The following FSTL5 variants were observed in gnomAD, a reference collection of about 807,000 sequenced individuals.
FSTL5 encodes follistatin like 5.
Under a neutral mutation model 89.1 loss-of-function variants are expected in FSTL5, and 62 were observed. The observed-to-expected ratio is 0.70, with a 90% CI of 0.57 to 0.86. FSTL5 has a LOEUF of 0.86. FSTL5 is among the 40% of genes least tolerant of loss of function. The pLI, the probability that FSTL5 is intolerant of heterozygous loss-of-function variation, is 0.00. For synonymous variants in FSTL5, 383 were observed against 346.2 expected (o/e 1.11, Z -1.18); for missense variants, 1,057 against 1,001.6 (o/e 1.06, Z -0.75).
intron 4 of FSTL5, among the ~76,000 whole-genome samples, chr4:161,903,844 G>A (rs1297255685): frequency 6.6e-6 from 1 of 151,420 alleles, no homozygotes; most frequent in Admixed American, 6.6e-5. Flanking sequence ...GAATGTCCTT[G>A]GCCATCCTTA....
rs137878095 is a variant in FSTL5 at position 161,594,987 on chromosome 4, G to T, written c.895-7412C>A. Among the ~76,000 whole-genome samples the T allele has an allele frequency of 6.6e-3, 1,007 of 151,926 alleles. 15 individuals carry two copies. The highest frequency in any genetic ancestry group is 0.043 in the South Asian group (205 of 4,776). On this transcript the variant is annotated intron_variant, in intron 7 of 15. Transcript: ENST00000306100. Reference sequence around the variant, plus strand: ...TACTGATGTTGAGTAACTTGGTTGAGGTCACCAAACAAGGTGAGGGGTCTC... The same window carrying T: ...TACTGATGTTGAGTAACTTGGTTGATGTCACCAAACAAGGTGAGGGGTCTC...
At chr4:162,160,886 A>T (rs1403157347) in intron 1 of FSTL5, among the ~76,000 whole-genome samples, 1 of 151,788 alleles carries the variant, frequency 6.6e-6, no homozygotes, top group Non-Finnish European at 1.5e-5. Context: ...TTCCAAATTG[A>T]TTCACCCTTA....
At chr4:161,964,814 T>C (rs1735279111) in intron 3 of FSTL5, among the ~76,000 whole-genome samples, 1 of 152,076 alleles carries the variant, frequency 6.6e-6, no homozygotes, top group South Asian at 2.1e-4. Context: ...CATTACATTT[T>C]GGAATAAAAC....
At chr4:162,133,472 A>G (rs1371637563) in intron 1 of FSTL5, among the ~76,000 whole-genome samples, 1 of 152,056 alleles carries the variant, frequency 6.6e-6, no homozygotes, top group African/African-American at 2.4e-5. Context: ...TTAACTTTCA[A>G]TGCTTTCTTT....
At chr4:161,394,269 C>T (rs1730925478) in intron 15 of FSTL5, among the ~76,000 whole-genome samples, 1 of 151,950 alleles carries the variant, frequency 6.6e-6, no homozygotes, top group South Asian at 2.1e-4. Flanking sequence ...AGGTAAAATA[C>T]CCATTTTTTG....
At chr4:161,813,785 G>A (rs1730240015) in intron 4 of FSTL5, among the ~76,000 whole-genome samples, 1 of 151,936 alleles carries the variant, frequency 6.6e-6, no homozygotes, top group African/African-American at 2.4e-5. Flanking sequence ...TGATGAACTG[G>A]GAATTAAAGA....
chr4:161,602,253 A>AAGAGAGAGAGAGAG (rs58991875), intron 7 of FSTL5, among the ~76,000 whole-genome samples: 43 of 122,800 alleles, frequency 3.5e-4, no homozygotes, highest in African/African-American at 1.3e-3. Flanking sequence ...GAGGGAGAGA[A>AAGAGAGAGAGAGAG]AGAGAGAGAG....
chr4:161,507,704 T>C (rs1327472901), intron 11 of FSTL5, among the ~76,000 whole-genome samples: 1 of 151,960 alleles, frequency 6.6e-6, no homozygotes, highest in African/African-American at 2.4e-5. Flanking sequence ...CAAGTTTATA[T>C]ATTGATGAGA....
At chr4:161,879,526 C>A (rs141973207) in intron 4 of FSTL5, among the ~76,000 whole-genome samples, 1 of 152,150 alleles carries the variant, frequency 6.6e-6, no homozygotes, top group Non-Finnish European at 1.5e-5. Context: ...TGCAAATCTC[C>A]GCAAGAGCCT....
chr4:161,681,237 C>A (rs1402064380), intron 6 of FSTL5, among the ~76,000 whole-genome samples: 1 of 151,956 alleles, frequency 6.6e-6, no homozygotes, highest in Non-Finnish European at 1.5e-5. Context: ...TCTTAGATCA[C>A]CATTGGTTTT....
chr4:161,934,493 G>A (rs1278563852), intron 3 of FSTL5, among the ~76,000 whole-genome samples: 3 of 152,050 alleles, frequency 2.0e-5, no homozygotes, highest in South Asian at 2.1e-4. Context: ...TAACTCATAT[G>A]TAACTTTTTA....
At chr4:161,879,722 A>T (rs1054803915) in intron 4 of FSTL5, among the ~76,000 whole-genome samples, 8 of 152,168 alleles carry the variant, frequency 5.3e-5, no homozygotes, top group Non-Finnish European at 1.2e-4. Context: ...CCCTCACTTC[A>T]TTCAGTCTGC....
In FSTL5 at chr4:161,542,714, GA is replaced by G. The variant is rs774148428; in HGVS notation, c.1016-22del. ...AGGAACTAAAGGAAAAAATGAAAGA[GA>G]AAGTGAATTAGTGATTCATATTTTC... On this transcript the variant is annotated intron_variant, in intron 8 of 15. Coordinates refer to ENST00000306100, the MANE Select transcript of FSTL5 (RefSeq NM_020116.5). The G allele has an allele frequency of 5.0e-6, 7 of 1,395,838 alleles. No individual in the cohort carries two copies. The African/African-American group carries it at 8.9e-5, about 18-fold the overall frequency. 86.5% of individuals were successfully genotyped at this position (1,395,838 alleles called of 1,614,324 possible).
At chr4:161,749,165 C>T (rs1740308200) in intron 6 of FSTL5, among the ~76,000 whole-genome samples, 1 of 152,038 alleles carries the variant, frequency 6.6e-6, no homozygotes, top group Admixed American at 6.6e-5. Context: ...CCATCAACCC[C>T]ACTACTGGGT....
intron 2 of FSTL5, among the ~76,000 whole-genome samples, chr4:162,076,664 GA>G (rs1444314803): frequency 6.6e-6 from 1 of 151,756 alleles, no homozygotes; most frequent in African/African-American, 2.4e-5. Flanking sequence ...ATTGTGATGA[GA>G]AAGAATACAA....
intron 2 of FSTL5, among the ~76,000 whole-genome samples, chr4:162,059,766 G>A (rs1738662117): frequency 6.6e-6 from 1 of 152,132 alleles, no homozygotes; most frequent in Non-Finnish European, 1.5e-5. Context: ...AGATAGGGCA[G>A]GATCATGCTC....
chr4:161,856,430 A>G (rs1282300611), intron 4 of FSTL5, among the ~76,000 whole-genome samples: 1 of 152,036 alleles, frequency 6.6e-6, no homozygotes, highest in African/African-American at 2.4e-5. Context: ...ATAGCATCAA[A>G]ATGTGGTCAT....
chr4:161,476,186 T>TG lies in FSTL5; in HGVS notation c.1608+4833_1608+4834insC, dbSNP rs1463706189. On this transcript the variant is annotated intron_variant, in intron 13 of 15. Transcript: ENST00000306100. ...TCAAGTTTGCTGGTTTTTTTTTTTT[T>TG]TTGTTTGTTTGTTTTTTTGAGAAAG... Among the ~76,000 whole-genome samples, 226 of 108,860 alleles carry TG rather than the reference T, an allele frequency of 2.1e-3. 8 individuals are homozygous for TG. Among genetic ancestry groups the TG allele is most frequent in the African/African-American group, 6.2e-3 (183 of 29,406 alleles). The allele number at this position is 108,860 out of a possible 152,430, so 71.4% of individuals were successfully genotyped here.
chr4:161,619,415 G>A (rs1735025760), intron 7 of FSTL5, among the ~76,000 whole-genome samples: 2 of 152,122 alleles, frequency 1.3e-5, no homozygotes, highest in South Asian at 4.1e-4. Context: ...CCTACAAAAT[G>A]GGAGATAATT....
Sources: allele counts gnomAD v4.1 joint callset (sites outside exome capture counted in the v4.1 genomes callset), GRCh38; gene constraint gnomAD v4.1.1; transcripts MANE v1.5; gene names NCBI Gene and HGNC (gene_info 2026-07-23, HGNC 2026-07-21).